The following CRB1 variants were observed in gnomAD, a reference collection of about 807,000 sequenced individuals.
CRB1 encodes the protein protein crumbs homolog 1.
Under a neutral mutation model 120.0 loss-of-function variants are expected in CRB1, and 83 were observed. The observed-to-expected ratio is 0.69, with a 90% CI of 0.58 to 0.83. CRB1 has a LOEUF of 0.83. Ranked by LOEUF, CRB1 falls within the 40% of genes least tolerant of loss-of-function variation. CRB1 has a pLI of 0.00. For synonymous variants in CRB1, 625 were observed against 612.5 expected, an observed-to-expected ratio of 1.02 and a Z score of -0.30; for missense variants, 1,699 against 1,687.6, an observed-to-expected ratio of 1.01 and a Z score of -0.12.
the CRB1 span, among the ~76,000 whole-genome samples, chr1:197,258,057 A>T: frequency 6.6e-6 from 1 of 152,208 alleles, no homozygotes; most frequent in Non-Finnish European, 1.5e-5. Flanking sequence ...ACTTGATATT[A>T]TCTTTTATTC....
chr1:197,276,443 CTG>C (rs1463061747), intron 1 of CRB1, among the ~76,000 whole-genome samples: 1 of 151,768 alleles, frequency 6.6e-6, no homozygotes, highest in Non-Finnish European at 1.5e-5. Context: ...ATATCTGACA[CTG>C]TTCTAGGCTC....
intron 1 of CRB1, among the ~76,000 whole-genome samples, chr1:197,326,386 G>A (rs745498219): frequency 6.6e-6 from 1 of 152,074 alleles, no homozygotes; most frequent in Non-Finnish European, 1.5e-5. Context: ...TGGGAGGCCT[G>A]GATGGCTGAG....
At chr1:197,252,364 CA>C in the CRB1 span, among the ~76,000 whole-genome samples, 1 of 150,430 alleles carries the variant, frequency 6.6e-6, no homozygotes, top group Non-Finnish European at 1.5e-5. Flanking sequence ...TTGCAAACCA[CA>C]GTGCATTCTC....
chr1:197,390,809 T>A (rs186323472), intron 5 of CRB1, among the ~76,000 whole-genome samples: 79 of 152,228 alleles, frequency 5.2e-4, no homozygotes, highest in Admixed American at 4.7e-3. Context: ...TATTTGATTC[T>A]TGGTGATTGA....
intron 5 of CRB1, among the ~76,000 whole-genome samples, chr1:197,365,623 CTTCTTTT>C (rs1661026555): frequency 7.8e-6 from 1 of 128,348 alleles, no homozygotes; most frequent in Admixed American, 7.2e-5. Context: ...TCTTCTTCTT[CTTCTTTT>C]TTTTTTTTTT....
chr1:197,363,612 C>T (rs1660899500), intron 5 of CRB1, among the ~76,000 whole-genome samples: 1 of 152,044 alleles, frequency 6.6e-6, no homozygotes, highest in African/African-American at 2.4e-5. Context: ...GAAGGAAGGC[C>T]GGCTCGGCAG....
chr1:197,242,123 T>C, the CRB1 span, among the ~76,000 whole-genome samples: 2 of 152,314 alleles, frequency 1.3e-5, no homozygotes, highest in South Asian at 2.1e-4. Flanking sequence ...TATACAATTA[T>C]GTCATCTGCA....
At chr1:197,453,920 ATAT>A (rs1364183820) in intron 11 of CRB1, among the ~76,000 whole-genome samples, 5 of 35,260 alleles carry the variant, frequency 1.4e-4, no homozygotes, top group African/African-American at 2.2e-4. Context: ...TATATTATTG[ATAT>A]TATTATATTA....
In CRB1 at chr1:197,435,381, A is replaced by C; in HGVS notation, c.3518A>C (p.His1173Pro). 1.2e-6 allele frequency: 2 copies of C among 1,610,226 alleles called. No homozygotes were observed. Among genetic ancestry groups the C allele is most frequent in the Non-Finnish European group, 1.7e-6 (2 of 1,177,742 alleles). Residue 1173 changes from histidine to proline, a missense_variant, in exon 9 of 12, where the codon CAC (histidine) becomes CCC (proline). Transcript: ENST00000367400. ...CSCPLGWSGKHCELNIDECFS... is the reference protein window; with the variant it reads ...CSCPLGWSGKPCELNIDECFS... ...TGTCCCTTGGGATGGTCAGGGAAACACTGTGAACTCAACATCGATGAATGC... is the reference window on the plus strand; with the variant it reads ...TGTCCCTTGGGATGGTCAGGGAAACCCTGTGAACTCAACATCGATGAATGC...
rs1267483242 is a variant in CRB1 at position 197,268,432 on chromosome 1, A to T, written c.20A>T (p.Asn7Ile). Reference protein sequence around the residue: MALKNINYLLIFYLSFS... With the variant: MALKNIIYLLIFYLSFS... ...AAGACCATGGCACTTAAGAACATTA[A>T]CTACCTTCTCATCTTCTACCTCAGT... Residue 7 changes from asparagine to isoleucine, a missense_variant, in exon 1 of 12, where the codon AAC becomes ATC. Transcript: ENST00000367400. 6 of 1,612,718 alleles carry T rather than the reference A, an allele frequency of 3.7e-6. No homozygotes were observed. The highest frequency in any genetic ancestry group is 5.1e-6 in the Non-Finnish European group (6 of 1,178,782).
At chr1:197,284,467 A>G (rs1298615224) in intron 1 of CRB1, among the ~76,000 whole-genome samples, 2 of 151,970 alleles carry the variant, frequency 1.3e-5, no homozygotes, top group African/African-American at 4.8e-5. Context: ...TTATGTGATT[A>G]GCCCTATTTC....
At chr1:197,243,881 G>C in the CRB1 span, among the ~76,000 whole-genome samples, 1 of 152,056 alleles carries the variant, frequency 6.6e-6, no homozygotes, top group Non-Finnish European at 1.5e-5. Context: ...TATATATTTA[G>C]GATAGTTAGC....
At chr1:197,303,765 C>A (rs1657014045) in intron 1 of CRB1, among the ~76,000 whole-genome samples, 1 of 152,086 alleles carries the variant, frequency 6.6e-6, no homozygotes, top group Non-Finnish European at 1.5e-5. Flanking sequence ...TATCTAATAG[C>A]TAAACTTATT....
chr1:197,376,643 T>C (rs540478543), intron 5 of CRB1, among the ~76,000 whole-genome samples: 1 of 152,274 alleles, frequency 6.6e-6, no homozygotes, highest in East Asian at 1.9e-4. Context: ...CCATTTCTAC[T>C]CTAGACCAAG....
chr1:197,344,581 G>C lies in CRB1; in HGVS notation c.848+105G>C. 2.8e-6 allele frequency: 3 copies of C among 1,090,020 alleles called. 1 individual carries two copies. In the South Asian group the frequency reaches 3.8e-5, roughly 14 times the overall value. The allele number at this position is 1,090,020 out of a possible 1,614,324, so 67.5% of individuals were successfully genotyped here. A position where few individuals can be genotyped will look rare whatever the true frequency, so the allele number is the denominator to read the frequency against. ...CTCTCACGTTCTCGGCTTAAAATTT[G>C]GGGTGTAACTTTATACTTTAACTGA... On this transcript the variant is annotated intron_variant, in intron 3 of 11. Coordinates refer to ENST00000367400, the MANE Select transcript of CRB1 (RefSeq NM_201253.3).
intron 1 of CRB1, among the ~76,000 whole-genome samples, chr1:197,320,724 G>T (rs1287691397): frequency 1.3e-5 from 2 of 152,020 alleles, no homozygotes; most frequent in Non-Finnish European, 2.9e-5. Flanking sequence ...GTACACTATA[G>T]GTATATACAA....
chr1:197,449,196 G>A (rs1665837523), intron 11 of CRB1, among the ~76,000 whole-genome samples: 1 of 151,962 alleles, frequency 6.6e-6, no homozygotes, highest in African/African-American at 2.4e-5. Flanking sequence ...CAACACCTAG[G>A]TCATTTTGTG....
intron 11 of CRB1, among the ~76,000 whole-genome samples, chr1:197,448,276 G>T (rs956882656): frequency 6.6e-6 from 1 of 152,056 alleles, no homozygotes; most frequent in African/African-American, 2.4e-5. Flanking sequence ...ACTTTAAGAG[G>T]ATTTTTCTTT....
chr1:197,347,263 C>T, intron 3 of CRB1, 77 bp from the exon 4 acceptor site: 1 of 1,328,754 alleles, frequency 7.5e-7, no homozygotes, highest in South Asian at 1.2e-5. Context: ...GGTTGATAGA[C>T]AGTTGAAGAA....
Sources: gnomAD v4.1 joint callset for allele counts (sites outside exome capture counted in the v4.1 genomes callset) on GRCh38, gnomAD v4.1.1 for gene constraint, MANE v1.5 for transcripts, NCBI Gene and HGNC (gene_info 2026-07-23, HGNC 2026-07-21) for gene names.